DDX19B: variants seen among roughly 807,000 people sequenced by gnomAD.
The protein encoded by DDX19B is ATP-dependent RNA helicase DDX19B.
In DDX19B, 27 loss-of-function variants were observed where a neutral mutation model predicts 58.1. The ratio of observed to expected loss-of-function variants is 0.46; its 90% CI spans 0.34 to 0.64. The LOEUF is 0.64. Among genes scored for constraint, DDX19B ranks in the 30% least tolerant of loss-of-function variants. The probability of loss-of-function intolerance (pLI) is 0.01; values close to 1 mark genes in which losing one functional copy is unlikely to be tolerated. For synonymous variants in DDX19B, 187 were observed against 214.4 expected, an observed-to-expected ratio of 0.87 and a Z score of 1.12; for missense variants, 399 against 596.5, an observed-to-expected ratio of 0.67 and a Z score of 3.45.
intron 2 of DDX19B, among the ~76,000 whole-genome samples, chr16:70,313,219 T>G (rs1344840557): frequency 6.6e-6 from 1 of 152,000 alleles, no homozygotes; most frequent in Non-Finnish European, 1.5e-5. Context: ...GGGGTTTCAC[T>G]GTGTTAGCCA....
rs564831445 is a variant in DDX19B at position 70,334,539 on chromosome 16, C to T, written c.*957C>T. The T allele has an allele frequency of 1.1e-4, 17 of 152,286 alleles. No individual in the cohort carries two copies. In the East Asian group the frequency reaches 1.7e-3, roughly 16 times the overall value. The allele number at this position is 152,286 out of a possible 1,614,324, so 9.4% of individuals were successfully genotyped here. On this transcript the variant is annotated 3_prime_UTR_variant, in exon 12 of 12. Coordinates refer to ENST00000288071, the MANE Select transcript of DDX19B (RefSeq NM_007242.7). ...ATGTGATCAGCAGTAGTCACAAATTCTTGTTTTGTCTCCACACCCAGAAGG... is the reference window on the plus strand; with the variant it reads ...ATGTGATCAGCAGTAGTCACAAATTTTTGTTTTGTCTCCACACCCAGAAGG...
Position 70,335,198 on chromosome 16 carries a change from A to G in DDX19B, c.*1616A>G, listed in dbSNP as rs1963656899. On this transcript the variant is annotated 3_prime_UTR_variant, in exon 12 of 12. Transcript: ENST00000288071. ...CACATCTTGGAATTCTTGTAATAAG[A>G]AAAGAAATTTTTATACTTTTTTCTC... 1 of 152,206 alleles carries G rather than the reference A, an allele frequency of 6.6e-6. No individual in the cohort carries two copies. The highest frequency in any genetic ancestry group is 1.5e-5 in the Non-Finnish European group (1 of 68,042). 9.4% of individuals were successfully genotyped at this position (152,206 alleles called of 1,614,324 possible). A position where few individuals can be genotyped will look rare whatever the true frequency, so the allele number is the denominator to read the frequency against.
chr16:70,309,751 G>A (rs1453897737), intron 1 of DDX19B, among the ~76,000 whole-genome samples: 1 of 133,448 alleles, frequency 7.5e-6, no homozygotes, highest in Non-Finnish European at 1.5e-5. Flanking sequence ...CCAGGAGGCG[G>A]AGGTTGCAGT....
chr16:70,305,844 T>C (rs1049857725), intron 1 of DDX19B, among the ~76,000 whole-genome samples: 14 of 152,000 alleles, frequency 9.2e-5, no homozygotes, highest in Admixed American at 2.6e-4. Context: ...CACTGCAAGC[T>C]CCACCTCCTG....
chr16:70,307,208 T>C (rs1203776037), intron 1 of DDX19B, among the ~76,000 whole-genome samples: 3 of 152,178 alleles, frequency 2.0e-5, no homozygotes, highest in South Asian at 2.1e-4. Flanking sequence ...TGTGGACATA[T>C]AGTTTCAATA....
At chr16:70,309,803 G>A (rs1961985028) in intron 1 of DDX19B, among the ~76,000 whole-genome samples, 1 of 88,704 alleles carries the variant, frequency 1.1e-5, no homozygotes, top group Admixed American at 1.8e-4. Context: ...GGGCGACAGG[G>A]CAAGACTCCG....
Position 70,335,218 on chromosome 16 carries a change from T to G in DDX19B, c.*1636T>G, listed in dbSNP as rs1963657694. ...ATAAGAAAAGAAATTTTTATACTTT[T>G]TTCTCCTTCCCTGAGTCCTGTGGAC... On this transcript the variant is annotated 3_prime_UTR_variant, in exon 12 of 12. Transcript: ENST00000288071. 6.6e-6 allele frequency: 1 copy of G among 152,192 alleles called. No homozygotes were observed. Among genetic ancestry groups the G allele is most frequent in the Non-Finnish European group, 1.5e-5 (1 of 68,048 alleles). 9.4% of individuals were successfully genotyped at this position (152,192 alleles called of 1,614,324 possible). A position where few individuals can be genotyped will look rare whatever the true frequency, so the allele number is the denominator to read the frequency against.
chr16:70,311,207 TA>T (rs1034916740), intron 1 of DDX19B, among the ~76,000 whole-genome samples: 1 of 147,056 alleles, frequency 6.8e-6, no homozygotes, highest in African/African-American at 2.5e-5. Context: ...CCCCATCTCT[TA>T]AAAAAAAAGA....
Position 70,312,790 on chromosome 16 carries a change from T to A in DDX19B, c.106+133T>A. ...TTGGCAGATACTGGTACCATTTGAT[T>A]TGTAAATCAACAAACTGGATTGTAT... On this transcript the variant is annotated intron_variant, in intron 2 of 11. Coordinates refer to ENST00000288071, the MANE Select transcript of DDX19B (RefSeq NM_007242.7). The A allele has an allele frequency of 7.4e-6, 5 of 675,714 alleles. No homozygotes were observed. The Middle Eastern group carries it at 1.3e-3, about 178-fold the overall frequency. 41.9% of individuals were successfully genotyped at this position (675,714 alleles called of 1,614,324 possible).
At chr16:70,301,920 A>C (rs574663981) in intron 1 of DDX19B, among the ~76,000 whole-genome samples, 1 of 141,206 alleles carries the variant, frequency 7.1e-6, no homozygotes, top group South Asian at 2.2e-4. Context: ...CTGGCCCTTT[A>C]ATTTTTTTTT....
chr16:70,315,882 TA>T lies in DDX19B; in HGVS notation c.161-83del, dbSNP rs1299845449. ...TTTGAATGTTCAGTACATTATTATT[TA>T]AAATACAAATGGCAGTTGAATTAGA... is the stretch of plus-strand genomic sequence containing the variant. On this transcript the variant is annotated intron_variant, in intron 3 of 11. Coordinates refer to ENST00000288071, the MANE Select transcript of DDX19B (RefSeq NM_007242.7). 2.0e-6 allele frequency: 3 copies of T among 1,509,602 alleles called. No individual in the cohort carries two copies. The Admixed American group carries it at 6.3e-5, about 31-fold the overall frequency. 93.5% of individuals were successfully genotyped at this position (1,509,602 alleles called of 1,614,324 possible). A position where few individuals can be genotyped will look rare whatever the true frequency, so the allele number is the denominator to read the frequency against.
rs763508550 is a variant in DDX19B at position 70,304,766 on chromosome 16, T to C, written c.57+5412T>C. Among the ~76,000 whole-genome samples the C allele has an allele frequency of 2.0e-4, 30 of 152,178 alleles. 1 individual carries two copies. Among genetic ancestry groups the C allele is most frequent in the South Asian group, 8.3e-4 (4 of 4,830 alleles). Reference sequence around the variant, plus strand: ...TCATCTTTGTCTCTTTTTTTTTTCTTTCTTTCTTTCTATATTTCCTGGGAG... The same window carrying C: ...TCATCTTTGTCTCTTTTTTTTTTCTCTCTTTCTTTCTATATTTCCTGGGAG... On this transcript the variant is annotated intron_variant, in intron 1 of 11. Coordinates refer to ENST00000288071, the MANE Select transcript of DDX19B (RefSeq NM_007242.7).
chr16:70,333,431 C>T (rs996364387), intron 11 of DDX19B, 90 bp from the exon 12 acceptor site: 16 of 1,599,770 alleles, frequency 1.0e-5, no homozygotes, highest in African/African-American at 2.7e-5. Context: ...CTTAGGCACC[C>T]GGAGCCTTTG....
chr16:70,315,063 G>A (rs190697159), intron 3 of DDX19B, 108 bp downstream of exon 3: 290 of 1,175,580 alleles, frequency 2.5e-4, no homozygotes, highest in Non-Finnish European at 3.4e-4. Context: ...TTTAATAGGC[G>A]ATACAGTGCT....
chr16:70,309,041 C>CT lies in DDX19B; in HGVS notation c.58-3557dup, dbSNP rs532413880. 3.9e-3 allele frequency among the ~76,000 whole-genome samples: 578 copies of CT among 146,508 alleles called. 2 individuals are homozygous for CT. The highest frequency in any genetic ancestry group is 0.012 in the African/African-American group (477 of 40,166). On this transcript the variant is annotated intron_variant, in intron 1 of 11. Coordinates refer to ENST00000288071, the MANE Select transcript of DDX19B (RefSeq NM_007242.7). ...GATTTTTACTGCTTTATAATGATTTCTTTTTTTTTTTGTTTGTTTTTCAGT... is the reference window on the plus strand; with the variant it reads ...GATTTTTACTGCTTTATAATGATTTCTTTTTTTTTTTTGTTTGTTTTTCAGT...
At position 70,317,893 on chromosome 16, in the gene DDX19B, C is replaced by A. The variant is rs563694098; in HGVS notation, c.389+305C>A. ...CCAGGAGTTTGAGGTTGCAGTGAAC[C>A]ATGATCATACCATTGTACTCCATTC... On this transcript the variant is annotated intron_variant, in intron 5 of 11. Coordinates refer to ENST00000288071, the MANE Select transcript of DDX19B (RefSeq NM_007242.7). The A allele has an allele frequency of 6.4e-5, 13 of 203,454 alleles. No individual in the cohort carries two copies. In the East Asian group the frequency reaches 7.9e-4, roughly 12 times the overall value. The allele number at this position is 203,454 out of a possible 1,614,324, so 12.6% of individuals were successfully genotyped here. A position where few individuals can be genotyped will look rare whatever the true frequency, so the allele number is the denominator to read the frequency against.
intron 2 of DDX19B, among the ~76,000 whole-genome samples, chr16:70,313,250 C>T (rs1218030021): frequency 6.6e-6 from 1 of 152,138 alleles, no homozygotes; most frequent in African/African-American, 2.4e-5. Context: ...AATCTCCTGA[C>T]CTCATGATCC....
Position 70,325,928 on chromosome 16 carries a change from C to A in DDX19B, c.607+240C>A, listed in dbSNP as rs1293545229. 2.6e-5 allele frequency among the ~76,000 whole-genome samples: 4 copies of A among 152,150 alleles called. No homozygotes were observed. The East Asian group carries it at 5.8e-4, about 22-fold the overall frequency. ...ACATTCTTTGCCATACCTATGGATACCCTTTTATCACAACCAGGAAAATTA... is the reference window on the plus strand; with the variant it reads ...ACATTCTTTGCCATACCTATGGATAACCTTTTATCACAACCAGGAAAATTA... On this transcript the variant is annotated intron_variant, in intron 7 of 11. Coordinates refer to ENST00000288071, the MANE Select transcript of DDX19B (RefSeq NM_007242.7).
intron 1 of DDX19B, among the ~76,000 whole-genome samples, chr16:70,308,315 G>A (rs536068782): frequency 2.1e-4 from 32 of 150,938 alleles, no homozygotes; most frequent in Non-Finnish European, 3.0e-5. Context: ...GTGCAATGGT[G>A]TGATCTTGGC....
Sources: allele counts gnomAD v4.1 joint callset (sites outside exome capture counted in the v4.1 genomes callset), GRCh38; gene constraint gnomAD v4.1.1; transcripts MANE v1.5; gene names NCBI Gene and HGNC (gene_info 2026-07-23, HGNC 2026-07-21).